INSR: variants seen among roughly 807,000 people sequenced by gnomAD.
INSR encodes the protein IR.
Under a neutral mutation model 142.6 loss-of-function variants are expected in INSR, and 67 were observed. The ratio of observed to expected loss-of-function variants is 0.47; its 90% CI spans 0.39 to 0.58. The LOEUF is 0.58. Ranked by LOEUF, INSR falls within the 20% of genes least tolerant of loss-of-function variation. The pLI, the probability that INSR is intolerant of heterozygous loss-of-function variation, is 0.00. For missense variants in INSR, 1,248 were observed against 1,833.2 expected (o/e 0.68, Z 5.83); for synonymous variants, 756 against 743.1 (o/e 1.02, Z -0.28).
intron 1 of INSR, among the ~76,000 whole-genome samples, chr19:7,270,552 A>C (rs889979685): frequency 2.4e-4 from 37 of 151,990 alleles, no homozygotes; most frequent in African/African-American, 8.0e-4. Flanking sequence ...AGGAGTTTAA[A>C]GTCAGCCTGG....
intron 2 of INSR, among the ~76,000 whole-genome samples, chr19:7,207,320 G>A (rs144032394): frequency 0.01 from 1,528 of 152,234 alleles, 5 homozygotes; most frequent in Non-Finnish European, 0.017. Context: ...GGGAGGCTGA[G>A]GCAGGAGAAT....
At chr19:7,240,705 C>T (rs1336057064) in intron 2 of INSR, among the ~76,000 whole-genome samples, 1 of 152,112 alleles carries the variant, frequency 6.6e-6, no homozygotes, top group African/African-American at 2.4e-5. Context: ...TTTTGAGCGC[C>T]GACATGATAG....
intron 2 of INSR, among the ~76,000 whole-genome samples, chr19:7,211,787 G>A (rs1476011199): frequency 6.6e-6 from 1 of 152,184 alleles, no homozygotes; most frequent in Admixed American, 6.5e-5. Flanking sequence ...TATCAGGGGA[G>A]ATACCACAGG....
At chr19:7,273,613 G>A (rs2145222783) in intron 1 of INSR, among the ~76,000 whole-genome samples, 1 of 151,772 alleles carries the variant, frequency 6.6e-6, no homozygotes, top group South Asian at 2.1e-4. Flanking sequence ...CCACTTCTGG[G>A]GTTCAAGCAA....
At chr19:7,229,440 T>A (rs1975900680) in intron 2 of INSR, among the ~76,000 whole-genome samples, 1 of 152,190 alleles carries the variant, frequency 6.6e-6, no homozygotes, top group Non-Finnish European at 1.5e-5. Flanking sequence ...TTACAAGAAG[T>A]AGACAAACTG....
chr19:7,254,954 C>T (rs1224739494), intron 2 of INSR, among the ~76,000 whole-genome samples: 1 of 152,196 alleles, frequency 6.6e-6, no homozygotes, highest in Non-Finnish European at 1.5e-5. Flanking sequence ...TACCCGCCTT[C>T]TTCCCAAAAG....
intron 2 of INSR, among the ~76,000 whole-genome samples, chr19:7,201,982 A>G (rs1464510571): frequency 6.6e-6 from 1 of 151,914 alleles, no homozygotes. Flanking sequence ...TTTTATCTAC[A>G]ATATTTGTTC....
chr19:7,268,464 CCT>C, intron 1 of INSR: 2 of 985,316 alleles, frequency 2.0e-6, no homozygotes, highest in Non-Finnish European at 2.4e-6. Context: ...GCCCAAATGC[CCT>C]GAGTTCTCAT....
chr19:7,125,677 CCGAGAACAGGA>C lies in INSR; in HGVS notation c.3014-161_3014-151del. 1 of 1,038,424 alleles carries C rather than the reference CCGAGAACAGGA, an allele frequency of 9.6e-7. No homozygotes were observed. Among genetic ancestry groups the C allele is most frequent in the Non-Finnish European group, 1.4e-6 (1 of 693,598 alleles). The allele number at this position is 1,038,424 out of a possible 1,614,324, so 64.3% of individuals were successfully genotyped here. A position where few individuals can be genotyped will look rare whatever the true frequency, so the allele number is the denominator to read the frequency against. ...CCCATGCCGGGCACTGGGCATATGG[CCGAGAACAGGA>C]CAGGCATCTGCACCCATGGAGAGGG... On this transcript the variant is annotated intron_variant, in intron 16 of 21. Transcript: ENST00000302850. The surrounding 1 kb of genome is among the most constrained non-coding windows in gnomAD (Gnocchi z 4.9).
Position 7,122,713 on chromosome 19 carries a change from C to T in INSR, c.3430G>A (p.Ala1144Thr). The T allele has an allele frequency of 6.2e-7, 1 of 1,614,192 alleles. No individual in the cohort carries two copies. Among genetic ancestry groups the T allele is most frequent in the African/African-American group, 1.3e-5 (1 of 75,040 alleles). The change falls in exon 19 of 22, where the codon GCT becomes ACT. Residue 1144 changes from alanine to threonine, a missense_variant. Coordinates refer to ENST00000302850, the MANE Select transcript of INSR (RefSeq NM_000208.4). The part of the protein sequence containing the change: ...QEMIQMAAEI[A>T]DGMAYLNAKK... ...GCGTTCAGGTAGGCCATCCCGTCAGCAATCTCTGCCGCCATCTGAATCATC... is the reference window on the plus strand; with the variant it reads ...GCGTTCAGGTAGGCCATCCCGTCAGTAATCTCTGCCGCCATCTGAATCATC...
At chr19:7,205,627 C>A (rs994686216) in intron 2 of INSR, among the ~76,000 whole-genome samples, 1 of 152,094 alleles carries the variant, frequency 6.6e-6, no homozygotes, top group Non-Finnish European at 1.5e-5. Context: ...AATCCCGATA[C>A]TTTGGGAGGC....
At chr19:7,177,016 A>G (rs559543629) in intron 3 of INSR, among the ~76,000 whole-genome samples, 150 of 152,256 alleles carry the variant, frequency 9.9e-4, no homozygotes, top group African/African-American at 3.4e-3. Context: ...TTTAATGGCA[A>G]GTGACTTGGG....
At chr19:7,213,647 C>T (rs186407357) in intron 2 of INSR, among the ~76,000 whole-genome samples, 88 of 152,310 alleles carry the variant, frequency 5.8e-4, no homozygotes, top group Non-Finnish European at 7.3e-4. Flanking sequence ...CAACAACTCA[C>T]GTCCAGCAGA....
At chr19:7,252,891 A>G (rs1248043809) in intron 2 of INSR, among the ~76,000 whole-genome samples, 2 of 152,068 alleles carry the variant, frequency 1.3e-5, no homozygotes, top group African/African-American at 4.8e-5. Flanking sequence ...CAAGGCGGGC[A>G]GATCACAAGG....
chr19:7,174,678 T>C lies in INSR; in HGVS notation c.1028A>G (p.Glu343Gly). 1 of 1,613,852 alleles carries C rather than the reference T, an allele frequency of 6.2e-7. No individual in the cohort carries two copies. The highest frequency in any genetic ancestry group is 8.5e-7 in the Non-Finnish European group (1 of 1,179,952). ...CACCGAGTCGATGGTCTTCTCGCCT[T>C]CTAGGAGGTGGCACACCTTGGGACA... The part of the protein sequence containing the change: ...GPCPKVCHLL[E>G]GEKTIDSVTS... Residue 343 changes from glutamate to glycine, a missense_variant, in exon 4 of 22, where the codon GAA (glutamate) becomes GGA (glycine). Coordinates refer to ENST00000302850, the MANE Select transcript of INSR (RefSeq NM_000208.4).
Position 7,274,019 on chromosome 19 carries a change from C to A in INSR, c.101-6123G>T, listed in dbSNP as rs544216307. On this transcript the variant is annotated intron_variant, in intron 1 of 21. Coordinates refer to ENST00000302850, the MANE Select transcript of INSR (RefSeq NM_000208.4). The stretch of plus-strand genomic sequence containing the variant: ...AAATAAATAAATAAATAAATAATTC[C>A]CACATATAATCAATCCTAAAAAAAA... Among the ~76,000 whole-genome samples, 7 of 151,962 alleles carry A rather than the reference C, an allele frequency of 4.6e-5. No homozygotes were observed. The East Asian group carries it at 9.7e-4, about 21-fold the overall frequency.
intron 2 of INSR, among the ~76,000 whole-genome samples, chr19:7,240,316 C>T (rs1976300317): frequency 6.6e-6 from 1 of 151,826 alleles, no homozygotes; most frequent in Admixed American, 6.6e-5. Flanking sequence ...GGCGTGGTGG[C>T]TCATGCCTGT....
intron 11 of INSR, among the ~76,000 whole-genome samples, chr19:7,148,524 C>T (rs934317648): frequency 1.5e-4 from 20 of 135,190 alleles, no homozygotes; most frequent in African/African-American, 5.5e-4. Context: ...GTCACCCAGG[C>T]TGGAATGCAG....
intron 13 of INSR, among the ~76,000 whole-genome samples, chr19:7,136,328 G>A (rs565800275): frequency 3.3e-5 from 5 of 152,088 alleles, no homozygotes; most frequent in Admixed American, 6.6e-5. Context: ...AACAATGCCC[G>A]TTTCCACTGC....
Sources: allele counts gnomAD v4.1 joint callset (sites outside exome capture counted in the v4.1 genomes callset), GRCh38; gene constraint gnomAD v4.1.1; non-coding constraint Gnocchi (gnomAD v3.1); transcripts MANE v1.5; gene names NCBI Gene and HGNC (gene_info 2026-07-23, HGNC 2026-07-21).